Variants in ELMO1 observed in about 807,000 individuals in gnomAD.
ELMO1 encodes engulfment and cell motility 1.
Under a neutral mutation model 98.9 loss-of-function variants are expected in ELMO1, and 26 were observed. That is an observed-to-expected ratio of 0.26 (90% CI 0.19 to 0.36). The LOEUF is 0.36. Ranked by LOEUF, ELMO1 falls within the 10% of genes least tolerant of loss-of-function variation. The pLI, the probability that ELMO1 is intolerant of heterozygous loss-of-function variation, is 1.00. For missense variants in ELMO1, 627 were observed against 935.2 expected, an observed-to-expected ratio of 0.67 and a Z score of 4.30; for synonymous variants, 346 against 346.0, an observed-to-expected ratio of 1.00 and a Z score of 0.00.
intron 1 of ELMO1, among the ~76,000 whole-genome samples, chr7:37,366,134 A>G (rs180835943): frequency 6.6e-6 from 1 of 152,348 alleles, no homozygotes; most frequent in East Asian, 1.9e-4. Flanking sequence ...GAAAATTCAG[A>G]AAGAATGCTC....
chr7:37,254,274 A>G (rs1795520440), intron 6 of ELMO1, among the ~76,000 whole-genome samples: 1 of 152,210 alleles, frequency 6.6e-6, no homozygotes, highest in South Asian at 2.1e-4. Context: ...ACATAGTGTG[A>G]TGGGAAAGTA....
At chr7:37,248,010 C>T (rs1292360120) in intron 6 of ELMO1, among the ~76,000 whole-genome samples, 3 of 150,172 alleles carry the variant, frequency 2.0e-5, no homozygotes, top group African/African-American at 4.9e-5. Context: ...ATATGAGTTC[C>T]GCCTCCTCCA....
chr7:36,868,946 T>C (rs3807162), intron 20 of ELMO1, among the ~76,000 whole-genome samples: 7,530 of 152,174 alleles, frequency 0.049, 395 homozygotes, highest in East Asian at 0.25. Flanking sequence ...CTCTCCGAGA[T>C]TGTGGAGAGA....
chr7:37,262,508 G>A (rs925562382), intron 5 of ELMO1, among the ~76,000 whole-genome samples: 4 of 152,140 alleles, frequency 2.6e-5, no homozygotes, highest in Admixed American at 6.5e-5. Context: ...TCACCCCAGC[G>A]CCTGAGAATG....
At chr7:36,864,299 T>C (rs1802859064) in intron 20 of ELMO1, among the ~76,000 whole-genome samples, 2 of 152,172 alleles carry the variant, frequency 1.3e-5, no homozygotes, top group African/African-American at 4.8e-5. Flanking sequence ...GCAGGCAAAC[T>C]TTCAGCTTTG....
At chr7:36,858,247 A>C (rs983167554) in intron 21 of ELMO1, among the ~76,000 whole-genome samples, 46 of 152,228 alleles carry the variant, frequency 3.0e-4, no homozygotes, top group African/African-American at 9.9e-4. Context: ...AAGGAATAAT[A>C]AAATTAGGAT....
intron 15 of ELMO1, among the ~76,000 whole-genome samples, chr7:37,025,842 TATAC>T (rs1794536250): frequency 6.6e-6 from 1 of 150,886 alleles, no homozygotes; most frequent in African/African-American, 2.4e-5. Context: ...ATATTCTATA[TATAC>T]ATGAGATTTA....
chr7:37,043,307 T>A (rs1332718660), intron 15 of ELMO1, among the ~76,000 whole-genome samples: 1 of 152,226 alleles, frequency 6.6e-6, no homozygotes, highest in Admixed American at 6.5e-5. Context: ...GTCCAGCAGT[T>A]CTCGTCCCTG....
intron 13 of ELMO1, among the ~76,000 whole-genome samples, chr7:37,166,940 T>G (rs1398353422): frequency 6.6e-6 from 1 of 152,088 alleles, no homozygotes. Flanking sequence ...CAGTGGGGTG[T>G]TAAAGTCTCC....
intron 20 of ELMO1, among the ~76,000 whole-genome samples, chr7:36,867,695 A>G (rs1803143349): frequency 1.3e-5 from 2 of 152,110 alleles, no homozygotes; most frequent in South Asian, 4.1e-4. Context: ...ACATTTTGGT[A>G]AGCTGGATTT....
chr7:37,117,380 T>C (rs1785671589), intron 14 of ELMO1, among the ~76,000 whole-genome samples: 1 of 152,110 alleles, frequency 6.6e-6, no homozygotes, highest in Admixed American at 6.5e-5. Flanking sequence ...GCATCCGAGG[T>C]GGTGTGAGCA....
intron 7 of ELMO1, among the ~76,000 whole-genome samples, chr7:37,234,825 T>C (rs1209483790): frequency 1.3e-5 from 2 of 152,346 alleles, no homozygotes; most frequent in East Asian, 1.9e-4. Flanking sequence ...ATTCTCACTA[T>C]GCAAAAGTGA....
intron 13 of ELMO1, among the ~76,000 whole-genome samples, chr7:37,169,121 C>T (rs1333946914): frequency 4.6e-5 from 7 of 152,088 alleles, no homozygotes; most frequent in African/African-American, 9.7e-5. Flanking sequence ...AGCGAGACTC[C>T]GTGGGTGTAG....
chr7:37,155,503 A>AAAAAATAAAAAAT (rs61189239), intron 13 of ELMO1, among the ~76,000 whole-genome samples: 10,378 of 131,800 alleles, frequency 0.079, 628 homozygotes, highest in Non-Finnish European at 0.12. Context: ...AAAAAAAAAA[A>AAAAAATAAAAAAT]AAAAAGCAGG....
chr7:37,374,351 C>T (rs1802239687), intron 1 of ELMO1, among the ~76,000 whole-genome samples: 1 of 152,096 alleles, frequency 6.6e-6, no homozygotes, highest in Non-Finnish European at 1.5e-5. Flanking sequence ...TCCATGTTGT[C>T]CGAGAATTAA....
At chr7:37,059,726 C>T (rs900662422) in intron 15 of ELMO1, among the ~76,000 whole-genome samples, 1 of 152,144 alleles carries the variant, frequency 6.6e-6, no homozygotes, top group Non-Finnish European at 1.5e-5. Context: ...TTATTGTCTT[C>T]CTCTCTCAAA....
rs372698751 is a variant in ELMO1, at chr7:37,253,600, A to G, written c.413+5581T>C. Among the ~76,000 whole-genome samples the G allele has an allele frequency of 3.9e-5, 6 of 152,252 alleles. No homozygotes were observed. The East Asian group carries it at 7.7e-4, about 20-fold the overall frequency. On this transcript the variant is annotated intron_variant, in intron 6 of 21. Coordinates refer to ENST00000310758, the MANE Select transcript of ELMO1 (RefSeq NM_014800.11). Reference sequence around the variant, plus strand: ...CAGAGGGTGAGAGGCTAGGGTAGGGATAACATTAGGAGAAATACCTAATGC... The same window carrying G: ...CAGAGGGTGAGAGGCTAGGGTAGGGGTAACATTAGGAGAAATACCTAATGC...
chr7:37,382,915 G>T (rs1802638575), intron 1 of ELMO1, among the ~76,000 whole-genome samples: 1 of 152,124 alleles, frequency 6.6e-6, no homozygotes, highest in Non-Finnish European at 1.5e-5. Context: ...CAGGGCCCCA[G>T]GCCCAGAACC....
chr7:36,876,146 C>T (rs1803940765), intron 19 of ELMO1, among the ~76,000 whole-genome samples: 1 of 152,232 alleles, frequency 6.6e-6, no homozygotes, highest in Admixed American at 6.5e-5. Flanking sequence ...AGTGATTCCA[C>T]ATCGCTGGGC....
Sources: gnomAD v4.1 joint callset for allele counts (sites outside exome capture counted in the v4.1 genomes callset) on GRCh38, gnomAD v4.1.1 for gene constraint, MANE v1.5 for transcripts, NCBI Gene and HGNC (gene_info 2026-07-23, HGNC 2026-07-21) for gene names.